The following PEAK1 variants were observed in gnomAD, a reference collection of about 807,000 sequenced individuals.
PEAK1 encodes the protein inactive tyrosine-protein kinase PEAK1.
In PEAK1, 54 loss-of-function variants were observed where a neutral mutation model predicts 124.7. The ratio of observed to expected loss-of-function variants is 0.43; its 90% confidence interval spans 0.35 to 0.54. PEAK1 has a LOEUF of 0.54. Among genes scored for constraint, PEAK1 ranks in the 20% least tolerant of loss-of-function variants. The pLI, the probability that PEAK1 is intolerant of heterozygous loss-of-function variation, is 0.01. For missense variants in PEAK1, 2,046 were observed against 2,134.5 expected (o/e 0.96, Z 0.82); for synonymous variants, 719 against 760.0 (o/e 0.95, Z 0.89).
chr15:77,392,600 TAAAG>T (rs1014847200), intron 1 of PEAK1, among the ~76,000 whole-genome samples: 138 of 152,318 alleles, frequency 9.1e-4, no homozygotes, highest in African/African-American at 3.2e-3. Flanking sequence ...ATATGAGATA[TAAAG>T]AGAGGTACAG....
Position 77,179,519 on chromosome 15 carries a change from G to T in PEAK1, c.2408C>A (p.Ala803Asp), listed in dbSNP as rs1596487432. 6.2e-7 allele frequency: 1 copy of T among 1,614,056 alleles called. No homozygotes were observed. Among genetic ancestry groups the T allele is most frequent in the African/African-American group, 1.3e-5 (1 of 74,930 alleles). The change falls in exon 7 of 10, where the codon GCT becomes GAT. Residue 803 changes from alanine (A) to aspartate (D), a missense_variant. Physicochemically the swap from Ala to Asp is moderately radical, Grantham distance 126 (BLOSUM62 -2). Coordinates refer to ENST00000682557, the MANE Select transcript of PEAK1 (RefSeq NM_001385026.1). ...CTTAGGTGTGCTCTTAGCAACATCA[G>T]CATCTGGAGGAATGGCATAAAGCTC... ...VEELYAIPPDADVAKSTPKST... is the reference protein window; with the variant it reads ...VEELYAIPPDDDVAKSTPKST...
At chr15:77,417,333 G>T in intron 1 of PEAK1, 1 of 981,604 alleles carries the variant, frequency 1.0e-6, no homozygotes, top group Non-Finnish European at 1.2e-6. Flanking sequence ...TCTATTCCTG[G>T]CCTGAAGGTT....
chr15:77,407,454 A>G (rs2071924416), intron 1 of PEAK1, among the ~76,000 whole-genome samples: 1 of 152,220 alleles, frequency 6.6e-6, no homozygotes, highest in Non-Finnish European at 1.5e-5. Flanking sequence ...AAGTGGGCTA[A>G]GGACATGAAA....
chr15:77,182,749 C>CAAAAAAAAAAAAAAAAAAAAA (rs71143395), intron 6 of PEAK1, among the ~76,000 whole-genome samples: 5 of 65,142 alleles, frequency 7.7e-5, no homozygotes, highest in African/African-American at 3.1e-4. Context: ...GACCTTGTCT[C>CAAAAAAAAAAAAAAAAAAAAA]AAAAAAAAAA....
intron 1 of PEAK1, among the ~76,000 whole-genome samples, chr15:77,367,124 C>T (rs1338850455): frequency 1.3e-5 from 2 of 152,138 alleles, no homozygotes; most frequent in African/African-American, 4.8e-5. Flanking sequence ...CCGGGCGAGA[C>T]TCCATCTCAA....
At chr15:77,351,721 C>T in intron 2 of PEAK1, 2 of 984,966 alleles carry the variant, frequency 2.0e-6, no homozygotes, top group Non-Finnish European at 2.4e-6. Flanking sequence ...GGACACCCTC[C>T]ACCGTTAACG....
At chr15:77,292,528 T>A (rs1483292375) in intron 2 of PEAK1, among the ~76,000 whole-genome samples, 2 of 150,526 alleles carry the variant, frequency 1.3e-5, no homozygotes, top group East Asian at 3.9e-4. Context: ...AAATGTGGCA[T>A]TAAGTAGACT....
intron 7 of PEAK1, among the ~76,000 whole-genome samples, chr15:77,167,896 C>G (rs1250369816): frequency 6.6e-6 from 1 of 152,076 alleles, no homozygotes; most frequent in East Asian, 1.9e-4. Context: ...CATGCCCCCA[C>G]CCCACGACAG....
intron 6 of PEAK1, among the ~76,000 whole-genome samples, chr15:77,241,339 T>C (rs2060347630): frequency 2.0e-5 from 3 of 152,014 alleles, no homozygotes; most frequent in South Asian, 4.1e-4. Context: ...TTCAACATAA[T>C]TAAAGGGCAC....
At chr15:77,343,389 T>G (rs1400343162) in intron 2 of PEAK1, among the ~76,000 whole-genome samples, 1 of 152,138 alleles carries the variant, frequency 6.6e-6, no homozygotes, top group Admixed American at 6.5e-5. Context: ...GATTTGCAAA[T>G]ATTTTCTCCC....
At chr15:77,275,975 A>T (rs2062300733) in intron 5 of PEAK1, among the ~76,000 whole-genome samples, 1 of 152,132 alleles carries the variant, frequency 6.6e-6, no homozygotes, top group African/African-American at 2.4e-5. Flanking sequence ...ATGTCAGTGG[A>T]TGGGTTCAAT....
chr15:77,181,442 G>C lies in PEAK1; in HGVS notation c.485C>G (p.Ala162Gly). ...VLKEIAGLDT[A>G]PQIRGNETNS... The stretch of plus-strand genomic sequence containing the variant: ...TGTTTCATTTCCTCTTATCTGAGGG[G>C]CAGTATCCAAGCCTGCTATCTCCTT... The change falls in exon 7 of 10, where the codon GCC becomes GGC. Residue 162 changes from alanine (A) to glycine (G), a missense_variant. Physicochemically the swap from Ala to Gly is moderately conservative, Grantham distance 60. Transcript: ENST00000682557. 5 of 1,614,142 alleles carry C rather than the reference G, an allele frequency of 3.1e-6. No homozygotes were observed. The highest frequency in any genetic ancestry group is 4.2e-6 in the Non-Finnish European group (5 of 1,180,006).
At chr15:77,322,234 C>G (rs190262190) in intron 2 of PEAK1, among the ~76,000 whole-genome samples, 25 of 152,154 alleles carry the variant, frequency 1.6e-4, no homozygotes, top group Middle Eastern at 3.4e-3. Flanking sequence ...GAAGCAAGAG[C>G]AAACACATTC....
intron 1 of PEAK1, chr15:77,417,962 A>G: frequency 1.0e-6 from 1 of 971,638 alleles, no homozygotes; most frequent in Non-Finnish European, 1.2e-6. Context: ...CCATAAATGT[A>G]CAAAGATAAA....
At chr15:77,162,493 CAAAAAAAAA>C (rs71143393) in intron 7 of PEAK1, among the ~76,000 whole-genome samples, 1,125 of 70,472 alleles carry the variant, frequency 0.016, 21 homozygotes, top group African/African-American at 0.076. Flanking sequence ...GACTCCATCT[CAAAAAAAAA>C]AAAAAAAAAA....
At chr15:77,364,398 T>C (rs1194705862) in intron 2 of PEAK1, among the ~76,000 whole-genome samples, 2 of 152,164 alleles carry the variant, frequency 1.3e-5, no homozygotes, top group African/African-American at 2.4e-5. Flanking sequence ...GCTCTGTAAA[T>C]GAGTTTGTAA....
intron 5 of PEAK1, among the ~76,000 whole-genome samples, chr15:77,268,241 G>C (rs1026075014): frequency 1.3e-5 from 2 of 152,126 alleles, no homozygotes; most frequent in Non-Finnish European, 2.9e-5. Flanking sequence ...TTGGGAGGCC[G>C]AGGTGGGCAG....
chr15:77,135,474 A>C (rs1456504801), intron 8 of PEAK1, among the ~76,000 whole-genome samples: 1 of 152,238 alleles, frequency 6.6e-6, no homozygotes, highest in African/African-American at 2.4e-5. Context: ...CACCTAGGCC[A>C]TATGGTATAG....
chr15:77,221,770 T>A (rs556957806), intron 6 of PEAK1, among the ~76,000 whole-genome samples: 1 of 152,246 alleles, frequency 6.6e-6, no homozygotes, highest in African/African-American at 2.4e-5. Context: ...TGTGAAGGAT[T>A]TTGGCTGCAA....
Sources: allele counts gnomAD v4.1 joint callset (sites outside exome capture counted in the v4.1 genomes callset), GRCh38; gene constraint gnomAD v4.1.1; transcripts MANE v1.5; gene names NCBI Gene and HGNC (gene_info 2026-07-23, HGNC 2026-07-21).